Variants in EBF1 observed in about 807,000 individuals in gnomAD.
EBF1 encodes EBF transcription factor 1.
In EBF1, 10 loss-of-function variants were observed where a neutral mutation model predicts 68.4. That is an observed-to-expected ratio of 0.15 (90% CI 0.09 to 0.25). EBF1 has a LOEUF of 0.25. Among genes scored for constraint, EBF1 ranks in the 10% least tolerant of loss-of-function variants. EBF1 has a pLI of 1.00. For synonymous variants in EBF1, 298 were observed against 299.8 expected, an observed-to-expected ratio of 0.99 and a Z score of 0.06; for missense variants, 509 against 794.4, an observed-to-expected ratio of 0.64 and a Z score of 4.32.
At chr5:159,077,899 C>T (rs1371219749) in intron 5 of EBF1, among the ~76,000 whole-genome samples, 4 of 151,604 alleles carry the variant, frequency 2.6e-5, no homozygotes, top group African/African-American at 7.3e-5. Context: ...CCAACACGCC[C>T]GGCTAATTTT....
intron 6 of EBF1, among the ~76,000 whole-genome samples, chr5:158,852,546 T>C (rs561328342): frequency 3.3e-5 from 5 of 152,254 alleles, no homozygotes; most frequent in African/African-American, 1.2e-4. Flanking sequence ...AGTCTACAAA[T>C]AAAAATGACC....
At chr5:158,971,432 A>G (rs1235009756) in intron 6 of EBF1, among the ~76,000 whole-genome samples, 2 of 152,154 alleles carry the variant, frequency 1.3e-5, no homozygotes, top group Non-Finnish European at 2.9e-5. Context: ...CATAAACGAA[A>G]TAACTTCCCG....
At chr5:158,955,892 T>A (rs1441812167) in intron 6 of EBF1, among the ~76,000 whole-genome samples, 1 of 152,218 alleles carries the variant, frequency 6.6e-6, no homozygotes, top group Non-Finnish European at 1.5e-5. Context: ...TGCTTAGCAA[T>A]GGCTTACCAA....
Position 158,775,593 on chromosome 5 carries a change from G to C in EBF1, c.1036+1820C>G, listed in dbSNP as rs77800321. 3.0e-3 allele frequency among the ~76,000 whole-genome samples: 461 copies of C among 152,018 alleles called. 3 individuals carry two copies. Among genetic ancestry groups the C allele is most frequent in the African/African-American group, 0.01 (434 of 41,470 alleles). ...CCAAACTTCTCAGAGAAAACATTTGGCCTCTGTGGTTTTGAAATATGTTCC... is the reference window on the plus strand; with the variant it reads ...CCAAACTTCTCAGAGAAAACATTTGCCCTCTGTGGTTTTGAAATATGTTCC... On this transcript the variant is annotated intron_variant, in intron 10 of 15. Coordinates refer to ENST00000313708, the MANE Select transcript of EBF1 (RefSeq NM_024007.5).
intron 6 of EBF1, among the ~76,000 whole-genome samples, chr5:158,943,037 TGAAGGGAGGGA>T (rs1813813977): frequency 2.6e-5 from 2 of 77,906 alleles, no homozygotes; most frequent in Admixed American, 2.0e-4. Context: ...GGGGAAGGAA[TGAAGGGAGGGA>T]AGTGGGAGGG....
At chr5:158,714,487 G>A (rs1489115565) in intron 11 of EBF1, among the ~76,000 whole-genome samples, 5 of 151,178 alleles carry the variant, frequency 3.3e-5, no homozygotes, top group Non-Finnish European at 7.4e-5. Flanking sequence ...TCATTTACTA[G>A]ATTACTACAA....
intron 11 of EBF1, among the ~76,000 whole-genome samples, chr5:158,721,095 C>T (rs1187395517): frequency 6.6e-6 from 1 of 152,170 alleles, no homozygotes. Context: ...AAGGCCAAGG[C>T]ACCAAAAACA....
chr5:158,978,120 G>A (rs2127578713), intron 6 of EBF1, among the ~76,000 whole-genome samples: 1 of 152,312 alleles, frequency 6.6e-6, no homozygotes, highest in Admixed American at 6.5e-5. Flanking sequence ...GGCCATACAG[G>A]GGGAAAATTT....
chr5:158,995,207 C>A (rs1434535258), intron 6 of EBF1, among the ~76,000 whole-genome samples: 3 of 152,156 alleles, frequency 2.0e-5, no homozygotes, highest in African/African-American at 7.2e-5. Flanking sequence ...CCCAGATTTT[C>A]CTTTTTCTAC....
At position 158,917,840 on chromosome 5, in the gene EBF1, A is replaced by C. The variant is rs907426921; in HGVS notation, c.555-77730T>G. On this transcript the variant is annotated intron_variant, in intron 6 of 15. Coordinates refer to ENST00000313708, the MANE Select transcript of EBF1 (RefSeq NM_024007.5). ...GGATGCACTGAAGGTCAGGGAAGTT[A>C]AATAAGTTTCCTGAGGCCATGCAGC... 2.0e-5 allele frequency among the ~76,000 whole-genome samples: 3 copies of C among 152,176 alleles called. 1 individual carries two copies. The highest frequency in any genetic ancestry group is 7.2e-5 in the African/African-American group (3 of 41,454).
At chr5:158,909,665 G>A (rs1805466850) in intron 6 of EBF1, among the ~76,000 whole-genome samples, 1 of 152,114 alleles carries the variant, frequency 6.6e-6, no homozygotes, top group African/African-American at 2.4e-5. Context: ...GAGGCCGGGT[G>A]CGGTGGCTGA....
At chr5:159,096,718 G>T (rs1782683515) in intron 2 of EBF1, 1 of 611,844 alleles carries the variant, frequency 1.6e-6, no homozygotes, top group East Asian at 2.8e-5. Context: ...GGTTCATTCC[G>T]GGTGCCCATG....
intron 6 of EBF1, among the ~76,000 whole-genome samples, chr5:158,981,680 T>C (rs750013898): frequency 8.5e-5 from 13 of 152,096 alleles, no homozygotes; most frequent in Non-Finnish European, 1.9e-4. Flanking sequence ...GTACCCTGAG[T>C]TCTGTATTTT....
At chr5:159,062,129 C>T (rs1452731174) in intron 6 of EBF1, among the ~76,000 whole-genome samples, 1 of 152,194 alleles carries the variant, frequency 6.6e-6, no homozygotes, top group African/African-American at 2.4e-5. Flanking sequence ...CACGGCCTCT[C>T]AATTAACCTG....
intron 11 of EBF1, among the ~76,000 whole-genome samples, chr5:158,718,159 G>A (rs987083838): frequency 6.6e-6 from 1 of 152,138 alleles, no homozygotes; most frequent in African/African-American, 2.4e-5. Flanking sequence ...TGAGCTTCTT[G>A]TTGCCCTTGT....
intron 14 of EBF1, among the ~76,000 whole-genome samples, chr5:158,709,325 A>AT (rs1011571498): frequency 7.2e-6 from 1 of 139,192 alleles, no homozygotes; most frequent in African/African-American, 3.1e-5. Context: ...CCTATCACAT[A>AT]TATTTTTTTT....
At chr5:158,909,137 A>C (rs1409125466) in intron 6 of EBF1, among the ~76,000 whole-genome samples, 2 of 151,914 alleles carry the variant, frequency 1.3e-5, no homozygotes, top group Non-Finnish European at 2.9e-5. Context: ...AAAAGAAAAC[A>C]GAAAGAAAAA....
chr5:158,923,388 T>A (rs1220023077), intron 6 of EBF1, among the ~76,000 whole-genome samples: 1 of 152,238 alleles, frequency 6.6e-6, no homozygotes, highest in Non-Finnish European at 1.5e-5. Context: ...TATTTAATGA[T>A]GAAAATGAAT....
At chr5:158,952,692 C>T (rs1047402234) in intron 6 of EBF1, among the ~76,000 whole-genome samples, 1 of 152,170 alleles carries the variant, frequency 6.6e-6, no homozygotes, top group Non-Finnish European at 1.5e-5. Context: ...AGCAATATTA[C>T]TTTTCATTAG....
Sources: gnomAD v4.1 joint callset for allele counts (sites outside exome capture counted in the v4.1 genomes callset) on GRCh38, gnomAD v4.1.1 for gene constraint, MANE v1.5 for transcripts, NCBI Gene and HGNC (gene_info 2026-07-23, HGNC 2026-07-21) for gene names.